The following RAB38 variants were observed in gnomAD, a reference collection of about 807,000 sequenced individuals.
The protein encoded by RAB38 is ras-related protein Rab-38.
In RAB38, 15 loss-of-function variants were observed where a neutral mutation model predicts 18.4. The ratio of observed to expected loss-of-function variants is 0.82; its 90% CI spans 0.55 to 1.26. The LOEUF (loss-of-function observed/expected upper bound fraction) is 1.26, where lower values mean the gene tolerates loss of function less well. Ranked by LOEUF, RAB38 falls within the 50% of genes most tolerant of loss-of-function variation. The pLI is 0.00. For synonymous variants in RAB38, 101 were observed against 104.4 expected (o/e 0.97, Z 0.20); for missense variants, 294 against 267.4 (o/e 1.10, Z -0.69).
chr11:88,063,126 G>A, the RAB38 span, among the ~76,000 whole-genome samples: 1 of 152,106 alleles, frequency 6.6e-6, no homozygotes, highest in African/African-American at 2.4e-5. Flanking sequence ...GAGTCATGGT[G>A]GGGGTAGCAA....
chr11:87,930,876 G>A, the RAB38 span, among the ~76,000 whole-genome samples: 766 of 152,170 alleles, frequency 5.0e-3, 12 homozygotes, highest in African/African-American at 0.018. Context: ...GATGGTTGTA[G>A]ATATGTGGCA....
the RAB38 span, among the ~76,000 whole-genome samples, chr11:88,014,093 A>C: frequency 9.9e-5 from 15 of 152,178 alleles, no homozygotes; most frequent in African/African-American, 3.1e-4. Flanking sequence ...CTCCAGTATC[A>C]AATAGTCAAG....
At chr11:88,046,422 G>C in the RAB38 span, among the ~76,000 whole-genome samples, 14 of 152,098 alleles carry the variant, frequency 9.2e-5, no homozygotes, top group African/African-American at 3.4e-4. Context: ...CCGTTATTCT[G>C]TTCTGGATCT....
chr11:87,920,373 C>G, the RAB38 span, among the ~76,000 whole-genome samples: 3 of 151,836 alleles, frequency 2.0e-5, no homozygotes, highest in African/African-American at 4.8e-5. Flanking sequence ...AAAAAATTCT[C>G]TTTTGATTTA....
At chr11:88,123,065 A>G (rs1942650326) in intron 2 of RAB38, among the ~76,000 whole-genome samples, 1 of 152,220 alleles carries the variant, frequency 6.6e-6, no homozygotes, top group South Asian at 2.1e-4. Flanking sequence ...TAAACATTAC[A>G]TAATTAGTCC....
chr11:87,850,057 C>G, the RAB38 span, among the ~76,000 whole-genome samples: 2 of 152,106 alleles, frequency 1.3e-5, no homozygotes, highest in African/African-American at 4.8e-5. Context: ...TATAAGTACA[C>G]ATACTCTCTC....
chr11:87,868,276 C>G, the RAB38 span, among the ~76,000 whole-genome samples: 3 of 151,504 alleles, frequency 2.0e-5, no homozygotes, highest in South Asian at 6.2e-4. Flanking sequence ...AGCCTGGCAC[C>G]TCTTTCCTCT....
At chr11:88,015,060 T>C in the RAB38 span, among the ~76,000 whole-genome samples, 11 of 152,248 alleles carry the variant, frequency 7.2e-5, no homozygotes, top group East Asian at 1.7e-3. Flanking sequence ...GTATTTTTTT[T>C]TTTTTACAAA....
the RAB38 span, among the ~76,000 whole-genome samples, chr11:87,837,600 T>G: frequency 6.6e-6 from 1 of 152,168 alleles, no homozygotes; most frequent in South Asian, 2.1e-4. Flanking sequence ...TGAGAATCAG[T>G]TTGGTGCTAG....
chr11:87,857,944 T>A, the RAB38 span, among the ~76,000 whole-genome samples: 1 of 152,202 alleles, frequency 6.6e-6, no homozygotes, highest in African/African-American at 2.4e-5. Context: ...TGTCCATGCC[T>A]ATGTCCTGAA....
At chr11:88,110,674 G>A (rs76327786), downstream of RAB38, among the ~76,000 whole-genome samples, 75 of 151,918 alleles carry the variant, frequency 4.9e-4, no homozygotes, top group Non-Finnish European at 9.0e-4. Flanking sequence ...AAAATTAGCC[G>A]GGTGTGCTGG....
At chr11:87,953,457 ATATT>A in the RAB38 span, among the ~76,000 whole-genome samples, 1 of 152,320 alleles carries the variant, frequency 6.6e-6, no homozygotes, top group Admixed American at 6.5e-5. Flanking sequence ...TTAGCTACTT[ATATT>A]TAACTGTGGT....
chr11:88,069,153 A>G, the RAB38 span, among the ~76,000 whole-genome samples: 1 of 152,190 alleles, frequency 6.6e-6, no homozygotes, highest in Non-Finnish European at 1.5e-5. Flanking sequence ...ATGGCCTGCC[A>G]GCACCGCTGG....
the RAB38 span, among the ~76,000 whole-genome samples, chr11:87,977,426 A>C: frequency 9.2e-6 from 1 of 108,952 alleles, no homozygotes; most frequent in African/African-American, 3.7e-5. Context: ...TAATTATATT[A>C]TAAAACAATT....
chr11:87,865,510 A>C, the RAB38 span, among the ~76,000 whole-genome samples: 1 of 151,690 alleles, frequency 6.6e-6, no homozygotes, highest in African/African-American at 2.4e-5. Flanking sequence ...CCCTCCCTAG[A>C]GTCTCCCATA....
the RAB38 span, among the ~76,000 whole-genome samples, chr11:87,819,330 C>A: frequency 6.6e-6 from 1 of 152,162 alleles, no homozygotes; most frequent in South Asian, 2.1e-4. Context: ...TGGTTCACTG[C>A]AGCACTGCAG....
chr11:88,020,052 A>T, the RAB38 span, among the ~76,000 whole-genome samples: 2 of 152,200 alleles, frequency 1.3e-5, no homozygotes, highest in Non-Finnish European at 2.9e-5. Flanking sequence ...GAGGTAAATG[A>T]GTCTTTGAGA....
At chr11:88,007,238 G>A in the RAB38 span, among the ~76,000 whole-genome samples, 3 of 151,806 alleles carry the variant, frequency 2.0e-5, no homozygotes, top group Admixed American at 6.6e-5. Context: ...CAATTTGGGT[G>A]CAAAGATTTC....
At chr11:87,859,211 C>T in the RAB38 span, among the ~76,000 whole-genome samples, 13 of 151,496 alleles carry the variant, frequency 8.6e-5, no homozygotes, top group South Asian at 4.2e-4. Context: ...AATGTTTATA[C>T]GCCATTGAGA....
Sources: allele counts gnomAD v4.1 joint callset (sites outside exome capture counted in the v4.1 genomes callset), GRCh38; gene constraint gnomAD v4.1.1; transcripts MANE v1.5; gene names NCBI Gene and HGNC (gene_info 2026-07-23, HGNC 2026-07-21).